Variants in LYN observed in about 807,000 individuals in gnomAD.
LYN encodes the protein tyrosine-protein kinase Lyn.
Under a neutral mutation model 65.0 loss-of-function variants are expected in LYN, and 12 were observed. The observed-to-expected ratio is 0.18, with a 90% CI of 0.12 to 0.30. The LOEUF is 0.30. Ranked by LOEUF, LYN falls within the 10% of genes least tolerant of loss-of-function variation. The pLI is 1.00. For synonymous variants in LYN, 222 were observed against 221.2 expected (o/e 1.00, Z -0.03); for missense variants, 380 against 623.2 (o/e 0.61, Z 4.16).
At chr8:55,934,238 G>T (rs1157153954) in intron 1 of LYN, among the ~76,000 whole-genome samples, 1 of 152,112 alleles carries the variant, frequency 6.6e-6, no homozygotes, top group Non-Finnish European at 1.5e-5. Context: ...AAAAAAGAAG[G>T]AGCTTCAAAT....
intron 6 of LYN, among the ~76,000 whole-genome samples, chr8:55,951,491 C>G (rs1221709540): frequency 1.3e-5 from 2 of 151,894 alleles, no homozygotes; most frequent in African/African-American, 4.8e-5. Context: ...ATAGCAAGAG[C>G]CTGTTTCTAT....
In LYN at chr8:56,011,219, G is replaced by A. The variant is rs901432973; in HGVS notation, c.*1109G>A. 3 of 227,414 alleles carry A rather than the reference G, an allele frequency of 1.3e-5. No individual in the cohort carries two copies. Among genetic ancestry groups the A allele is most frequent in the Non-Finnish European group, 2.6e-5 (3 of 114,574 alleles). The allele number at this position is 227,414 out of a possible 1,614,324, so 14.1% of individuals were successfully genotyped here. On this transcript the variant is annotated 3_prime_UTR_variant, in exon 13 of 13. Coordinates refer to ENST00000519728, the MANE Select transcript of LYN (RefSeq NM_002350.4). ...ATAAGTGACTACAAGGCTCTAATAA[G>A]CCACGGTGGCAGGAGGTTCAAGCGG...
At chr8:55,912,894 A>C (rs866426552) in intron 1 of LYN, among the ~76,000 whole-genome samples, 15 of 152,202 alleles carry the variant, frequency 9.9e-5, no homozygotes, top group South Asian at 2.1e-4. Flanking sequence ...CGTGTGTAAA[A>C]AGTTTATTCC....
rs1221275260 is a variant in LYN, at chr8:56,008,124, A to AAAAAAAAAAATAAAAT, written c.1337-1780_1337-1779insAAAAAATAAAATAAAA. 1.9e-3 allele frequency among the ~76,000 whole-genome samples: 169 copies of AAAAAAAAAAATAAAAT among 86,712 alleles called. 3 individuals are homozygous for AAAAAAAAAAATAAAAT. The highest frequency in any genetic ancestry group is 6.8e-3 in the African/African-American group (167 of 24,550). The allele number at this position is 86,712 out of a possible 152,430, so 56.9% of individuals were successfully genotyped here. A position where few individuals can be genotyped will look rare whatever the true frequency, so the allele number is the denominator to read the frequency against. On this transcript the variant is annotated intron_variant, in intron 12 of 12. Transcript: ENST00000519728. The stretch of plus-strand genomic sequence containing the variant: ...AAAGAGGGAGACTCTGCCTCAAAAA[A>AAAAAAAAAAATAAAAT]AAAATAAAATAAAATAAAATAAAAT...
At chr8:55,942,929 A>G (rs1484332510) in intron 2 of LYN, among the ~76,000 whole-genome samples, 3 of 152,156 alleles carry the variant, frequency 2.0e-5, no homozygotes, top group Non-Finnish European at 4.4e-5. Flanking sequence ...CATTTCTTCA[A>G]TTAATTCAAA....
rs781284717 is a variant in LYN, at chr8:55,947,599, C to T, written c.179-19C>T. 5.1e-6 allele frequency: 8 copies of T among 1,555,052 alleles called. No homozygotes were observed. The African/African-American group carries it at 1.1e-4, about 21-fold the overall frequency. ...CTGCTGATGGATTCTTACAGGTGTTCTCTTGTGTTCATCTTTAGATCCAGA... is the reference window on the plus strand; with the variant it reads ...CTGCTGATGGATTCTTACAGGTGTTTTCTTGTGTTCATCTTTAGATCCAGA... On this transcript the variant is annotated intron_variant, in intron 3 of 12. Transcript: ENST00000519728.
chr8:55,904,877 A>G (rs1805375963), intron 1 of LYN, among the ~76,000 whole-genome samples: 1 of 152,186 alleles, frequency 6.6e-6, no homozygotes, highest in African/African-American at 2.4e-5. Context: ...TTTCAAAAGC[A>G]GGTAAGGTTG....
chr8:55,921,509 T>C (rs1340659173), intron 1 of LYN, among the ~76,000 whole-genome samples: 2 of 152,196 alleles, frequency 1.3e-5, no homozygotes, highest in Non-Finnish European at 2.9e-5. Flanking sequence ...AATTCCAAAT[T>C]GATTGTGGAG....
chr8:55,904,983 C>A (rs1430694442), intron 1 of LYN, among the ~76,000 whole-genome samples: 1 of 152,130 alleles, frequency 6.6e-6, no homozygotes, highest in Non-Finnish European at 1.5e-5. Context: ...GTTCCCTAAC[C>A]AATGAAATGG....
Position 55,997,765 on chromosome 8 carries a change from T to C in LYN, c.1051-581T>C, listed in dbSNP as rs529955431. 3.1e-4 allele frequency among the ~76,000 whole-genome samples: 47 copies of C among 152,330 alleles called. 2 individuals are homozygous for C. In the South Asian group the frequency reaches 7.2e-3, roughly 23 times the overall value. ...TACATGGATGAATTTAGCAGGGTCT[T>C]GAAAAGATTCTTCACACATTAGAAA... On this transcript the variant is annotated intron_variant, in intron 10 of 12. Transcript: ENST00000519728.
Position 56,012,026 on chromosome 8 carries a change from C to T in LYN, c.*1916C>T, listed in dbSNP as rs769973090. The T allele has an allele frequency of 2.6e-5, 5 of 189,150 alleles. No individual in the cohort carries two copies. The highest frequency in any genetic ancestry group is 5.5e-5 in the Non-Finnish European group (5 of 90,252). 11.7% of individuals were successfully genotyped at this position (189,150 alleles called of 1,614,324 possible). A position where few individuals can be genotyped will look rare whatever the true frequency, so the allele number is the denominator to read the frequency against. On this transcript the variant is annotated 3_prime_UTR_variant, in exon 13 of 13. Transcript: ENST00000519728. The stretch of plus-strand genomic sequence containing the variant: ...TAAAGAAAATTATTAAATTTATCTT[C>T]GCCTTGTTTTGCTTCTCCCAGTTCC...
At chr8:55,926,752 T>C (rs1025943378) in intron 1 of LYN, among the ~76,000 whole-genome samples, 1 of 152,246 alleles carries the variant, frequency 6.6e-6, no homozygotes, top group African/African-American at 2.4e-5. Flanking sequence ...TTTTTAAAAA[T>C]GGAGGATCCC....
intron 1 of LYN, among the ~76,000 whole-genome samples, chr8:55,901,230 G>A (rs1805252521): frequency 6.6e-6 from 1 of 152,082 alleles, no homozygotes; most frequent in South Asian, 2.1e-4. Flanking sequence ...GATTAGAATA[G>A]CAGTTACAAA....
At chr8:55,896,843 A>G (rs1230407155) in intron 1 of LYN, among the ~76,000 whole-genome samples, 3 of 152,108 alleles carry the variant, frequency 2.0e-5, no homozygotes, top group East Asian at 3.9e-4. Context: ...GGTTCAAGCA[A>G]TTCTCCCTAC....
At chr8:56,003,394 A>C (rs1408900137) in intron 12 of LYN, among the ~76,000 whole-genome samples, 1 of 152,120 alleles carries the variant, frequency 6.6e-6, no homozygotes, top group Non-Finnish European at 1.5e-5. Context: ...TTTAGAAGCT[A>C]TACAGGCCAG....
At chr8:55,964,968 C>T (rs754803024) in intron 8 of LYN, among the ~76,000 whole-genome samples, 15 of 152,172 alleles carry the variant, frequency 9.9e-5, no homozygotes, top group African/African-American at 3.6e-4. Context: ...AGCTTTTGCG[C>T]ACCAGGCAGC....
chr8:55,893,718 C>T (rs1037710244), intron 1 of LYN: 1 of 152,098 alleles, frequency 6.6e-6, no homozygotes, highest in Admixed American at 6.5e-5. Flanking sequence ...CAAAACTGTT[C>T]CAGATATACT....
At position 56,009,898 on chromosome 8, in the gene LYN, T is replaced by TC; in HGVS notation, c.1337-8dup. On this transcript the variant is annotated splice_polypyrimidine_tract_variant and intron_variant, in intron 12 of 12. Transcript: ENST00000519728. Reference sequence around the variant, plus strand: ...TGGGTTTCTGTTCTTTTTGTTTTTTTCCACCCTAGGGAGAACTAATGCCGA... The same window carrying TC: ...TGGGTTTCTGTTCTTTTTGTTTTTTTCCCACCCTAGGGAGAACTAATGCCGA... 1 of 1,612,348 alleles carries TC rather than the reference T, an allele frequency of 6.2e-7. No individual in the cohort carries two copies. Among genetic ancestry groups the TC allele is most frequent in the Admixed American group, 1.7e-5 (1 of 59,680 alleles).
intron 10 of LYN, among the ~76,000 whole-genome samples, chr8:55,977,040 C>T (rs1281989187): frequency 2.0e-5 from 3 of 152,028 alleles, no homozygotes; most frequent in Non-Finnish European, 4.4e-5. Flanking sequence ...CAAAAGTTAG[C>T]CGGGCATGGT....
Sources: gnomAD v4.1 joint callset for allele counts (sites outside exome capture counted in the v4.1 genomes callset) on GRCh38, gnomAD v4.1.1 for gene constraint, MANE v1.5 for transcripts, NCBI Gene and HGNC (gene_info 2026-07-23, HGNC 2026-07-21) for gene names.